CACFD1: variants seen among roughly 807,000 people sequenced by gnomAD.
CACFD1 encodes the protein calcium channel flower domain containing 1, also known as calcium channel flower homolog.
In CACFD1, 26 loss-of-function variants were observed where a neutral mutation model predicts 21.3. The ratio of observed to expected loss-of-function variants is 1.22; its 90% CI spans 0.89 to 1.69. The LOEUF (loss-of-function observed/expected upper bound fraction) is 1.69. Ranked by LOEUF, CACFD1 falls within the 40% of genes most tolerant of loss-of-function variation. The pLI, the probability that CACFD1 is intolerant of heterozygous loss-of-function variation, is 0.00. For missense variants in CACFD1, 265 were observed against 236.2 expected (o/e 1.12, Z -0.80); for synonymous variants, 121 against 106.6 (o/e 1.13, Z -0.83).
chr9:133,465,245 T>A lies in CACFD1; in HGVS notation c.195-77T>A. ...AGGGTGAGGGAGGTGGCATTCCTTA[T>A]GGCACTGGCACTGGGGGCCGCCCTC... On this transcript the variant is annotated intron_variant, in intron 2 of 4. Transcript: ENST00000316948. The surrounding 1 kb of genome is among the most constrained non-coding windows in gnomAD (Gnocchi z 5.0). 1.3e-6 allele frequency: 2 copies of A among 1,541,294 alleles called. No individual in the cohort carries two copies. Among genetic ancestry groups the A allele is most frequent in the Non-Finnish European group, 8.9e-7 (1 of 1,119,790 alleles).
chr9:133,466,857 T>C (rs4962052), intron 3 of CACFD1, among the ~76,000 whole-genome samples: 5,794 of 152,264 alleles, frequency 0.038, 125 homozygotes, highest in Middle Eastern at 0.062. Flanking sequence ...TTTTCGAGTT[T>C]ACTTTTTAAC....
chr9:133,465,004 T>G lies in CACFD1; in HGVS notation c.195-318T>G. On this transcript the variant is annotated intron_variant, in intron 2 of 4. Coordinates refer to ENST00000316948, the MANE Select transcript of CACFD1 (RefSeq NM_017586.5). The surrounding 1 kb of genome is among the most constrained non-coding windows in gnomAD (Gnocchi z 5.0). ...CCGCAGCGTTGTAGCAGTGCCATGA[T>G]GTGGGGTCCCCTTTCCTCCATGTCA... 2 of 289,786 alleles carry G rather than the reference T, an allele frequency of 6.9e-6. No homozygotes were observed. Among genetic ancestry groups the G allele is most frequent in the East Asian group, 8.6e-5 (1 of 11,670 alleles). The allele number at this position is 289,786 out of a possible 1,614,324, so 18.0% of individuals were successfully genotyped here. A position where few individuals can be genotyped will look rare whatever the true frequency, so the allele number is the denominator to read the frequency against.
In CACFD1 at chr9:133,469,049, G is replaced by A; in HGVS notation, c.*396G>A. On this transcript the variant is annotated 3_prime_UTR_variant, in exon 5 of 5. Coordinates refer to ENST00000316948, the MANE Select transcript of CACFD1 (RefSeq NM_017586.5). ...CTGCCACCTGGGCACTGAGCAGAGG[G>A]ACCTCCCCCAGCTCTCTTAGCAGGT... 1 of 258,316 alleles carries A rather than the reference G, an allele frequency of 3.9e-6. No homozygotes were observed. Among genetic ancestry groups the A allele is most frequent in the Non-Finnish European group, 7.4e-6 (1 of 136,016 alleles). The allele number at this position is 258,316 out of a possible 1,614,324, so 16.0% of individuals were successfully genotyped here.
At position 133,468,611 on chromosome 9, in the gene CACFD1, G is replaced by T. The variant is rs781807306; in HGVS notation, c.477G>T (p.Ala159=). 6 of 1,591,980 alleles carry T rather than the reference G, an allele frequency of 3.8e-6. No homozygotes were observed. The highest frequency in any genetic ancestry group is 2.3e-5 in the South Asian group (2 of 87,126). Residue 159 remains alanine (A), a synonymous_variant, in exon 5 of 5, where the codon GCG becomes GCT. Coordinates refer to ENST00000316948, the MANE Select transcript of CACFD1 (RefSeq NM_017586.5). ...GGATCCAGCAGCAGAGGCAGCAGGC[G>T]GATGAGGAGAAGCTCGCGGAGACCC... ...YARIQQQRQQ[A]DEEKLAETLE...
intron 1 of CACFD1, among the ~76,000 whole-genome samples, chr9:133,460,670 G>A (rs1843162183): frequency 6.6e-6 from 1 of 152,248 alleles, no homozygotes; most frequent in South Asian, 2.1e-4. Context: ...TGTTTGTAAG[G>A]GAGGCGGGTG....
At position 133,470,189 on chromosome 9, in the gene CACFD1, C is replaced by CCG. The variant is rs1008115148; in HGVS notation, c.*1536_*1537insCG. 5 of 149,640 alleles carry CCG rather than the reference C, an allele frequency of 3.3e-5. No individual in the cohort carries two copies. Among genetic ancestry groups the CCG allele is most frequent in the African/African-American group, 1.2e-4 (5 of 40,550 alleles). The allele number at this position is 149,640 out of a possible 1,614,324, so 9.3% of individuals were successfully genotyped here. The stretch of plus-strand genomic sequence containing the variant: ...TCAGGCCAGTGCTGGGTTCAAAGGG[C>CCG]TGTGTGTGTGTGTGTGTGTGTGTGT... On this transcript the variant is annotated 3_prime_UTR_variant, in exon 5 of 5. Coordinates refer to ENST00000316948, the MANE Select transcript of CACFD1 (RefSeq NM_017586.5).
In CACFD1 at chr9:133,460,224, G is replaced by A. The variant is rs941203216; in HGVS notation, c.121+37G>A. Reference sequence around the variant, plus strand: ...GTCGGGGAGAGGGGCCGGCCCCGCCGCGCATGCGCTCCTCGCCCTGCCCTG... The same window carrying A: ...GTCGGGGAGAGGGGCCGGCCCCGCCACGCATGCGCTCCTCGCCCTGCCCTG... On this transcript the variant is annotated intron_variant, in intron 1 of 4. Coordinates refer to ENST00000316948, the MANE Select transcript of CACFD1 (RefSeq NM_017586.5). The A allele has an allele frequency of 6.0e-6, 9 of 1,494,714 alleles. No individual in the cohort carries two copies. The East Asian group carries it at 2.2e-4, about 37-fold the overall frequency. 92.6% of individuals were successfully genotyped at this position (1,494,714 alleles called of 1,614,324 possible).
intron 3 of CACFD1, 70 bp from the exon 4 acceptor site, chr9:133,467,851 T>G (rs1554799825): frequency 1.7e-6 from 2 of 1,149,522 alleles, no homozygotes; most frequent in African/African-American, 3.0e-5. Flanking sequence ...CTGGGCCGAG[T>G]CTGGGAAGCG....
Position 133,460,016 on chromosome 9 carries a change from C to G in CACFD1, c.-51C>G, listed in dbSNP as rs782801031. On this transcript the variant is annotated 5_prime_UTR_variant, in exon 1 of 5. Coordinates refer to ENST00000316948, the MANE Select transcript of CACFD1 (RefSeq NM_017586.5). ...GGCAGCGCGCCGGCTCGGACGCGGC[C>G]GGCTACCGAGCCCTTTGTGAGGGCT... is the stretch of plus-strand genomic sequence containing the variant. The G allele has an allele frequency of 1.4e-6, 2 of 1,480,166 alleles. No homozygotes were observed. Among genetic ancestry groups the G allele is most frequent in the South Asian group, 1.3e-5 (1 of 77,812 alleles). 91.7% of individuals were successfully genotyped at this position (1,480,166 alleles called of 1,614,324 possible).
At chr9:133,461,997 G>C (rs985296410) in intron 1 of CACFD1, 2 of 985,294 alleles carry the variant, frequency 2.0e-6, no homozygotes, top group African/African-American at 3.5e-5. Flanking sequence ...GGAGGGGACA[G>C]GATTGCATGG....
At position 133,470,598 on chromosome 9, in the gene CACFD1, C is replaced by G. The variant is rs1446355550; in HGVS notation, c.*1945C>G. On this transcript the variant is annotated 3_prime_UTR_variant, in exon 5 of 5. Coordinates refer to ENST00000316948, the MANE Select transcript of CACFD1 (RefSeq NM_017586.5). ...GTCCTGGGGTCCCTGACCCTGTCGC[C>G]CAGGGGGCGTGCTGTCCAGCAGGGG... 1.3e-5 allele frequency: 2 copies of G among 152,362 alleles called. No homozygotes were observed. Among genetic ancestry groups the G allele is most frequent in the Non-Finnish European group, 2.9e-5 (2 of 68,122 alleles). The allele number at this position is 152,362 out of a possible 1,614,324, so 9.4% of individuals were successfully genotyped here.
intron 1 of CACFD1, among the ~76,000 whole-genome samples, chr9:133,460,486 T>TGGGGCACCGGCGGCGGGGGG (rs1564453305): frequency 2.5e-5 from 1 of 40,070 alleles, no homozygotes; most frequent in Non-Finnish European, 5.9e-5. Context: ...GGGGCGGGGG[T>TGGGGCACCGGCGGCGGGGGG]GGGGCACCGG....
At chr9:133,460,382 G>C (rs1358116148) in intron 1 of CACFD1, among the ~76,000 whole-genome samples, 195 bp downstream of exon 1, 1 of 138,632 alleles carries the variant, frequency 7.2e-6, no homozygotes, top group Non-Finnish European at 1.7e-5. Context: ...TTACCCGCTC[G>C]GGCCTGGGCG....
At chr9:133,463,659 C>T in intron 2 of CACFD1, 104 bp downstream of exon 2, 4 of 1,206,786 alleles carry the variant, frequency 3.3e-6, no homozygotes, top group Non-Finnish European at 4.8e-6. Context: ...AGTGGGCATC[C>T]TTGTGGTTGC....
Position 133,468,366 on chromosome 9 carries a change from C to A in CACFD1, c.429-197C>A, listed in dbSNP as rs984501601. The stretch of plus-strand genomic sequence containing the variant: ...GCCCAGACTGAGGCTGGTTCCTTCG[C>A]AGCCCAGCATCCCAGGGAGCCTGGG... On this transcript the variant is annotated intron_variant, in intron 4 of 4. Transcript: ENST00000316948. 6.3e-5 allele frequency: 96 copies of A among 1,535,730 alleles called. No homozygotes were observed. Among genetic ancestry groups the A allele is most frequent in the Non-Finnish European group, 7.3e-5 (84 of 1,146,840 alleles).
chr9:133,462,244 C>A (rs1554798703), intron 1 of CACFD1: 1 of 1,304,216 alleles, frequency 7.7e-7, no homozygotes, highest in Non-Finnish European at 1.0e-6. Flanking sequence ...AGCAGAGAGG[C>A]AGGGAGCCGT....
chr9:133,460,072 C>A lies in CACFD1; in HGVS notation c.6C>A (p.Ser2Arg). Reference sequence around the variant, plus strand: ...CTGCGCCTGACGGTGGCACCATGAGCAGCTCAGGTGGGGCGCCCGGGGCGT... The same window carrying A: ...CTGCGCCTGACGGTGGCACCATGAGAAGCTCAGGTGGGGCGCCCGGGGCGT... MSSSGGAPGASA... is the reference protein window; with the variant it reads MRSSGGAPGASA... Residue 2 changes from serine (S) to arginine (R), a missense_variant, in exon 1 of 5, where the codon AGC (serine) becomes AGA (arginine). Transcript: ENST00000316948. 6.4e-7 allele frequency: 1 copy of A among 1,562,094 alleles called. No individual in the cohort carries two copies. The highest frequency in any genetic ancestry group is 1.2e-5 in the South Asian group (1 of 85,796).
intron 1 of CACFD1, among the ~76,000 whole-genome samples, chr9:133,462,430 G>A (rs1843260570): frequency 6.6e-6 from 1 of 152,216 alleles, no homozygotes; most frequent in African/African-American, 2.4e-5. Flanking sequence ...TTGCAGTTCG[G>A]CTCACTTTAT....
At position 133,470,589 on chromosome 9, in the gene CACFD1, C is replaced by G. The variant is rs1258158759; in HGVS notation, c.*1936C>G. The G allele has an allele frequency of 2.0e-5, 3 of 152,348 alleles. No individual in the cohort carries two copies. Among genetic ancestry groups the G allele is most frequent in the African/African-American group, 7.2e-5 (3 of 41,458 alleles). 9.4% of individuals were successfully genotyped at this position (152,348 alleles called of 1,614,324 possible). On this transcript the variant is annotated 3_prime_UTR_variant, in exon 5 of 5. Coordinates refer to ENST00000316948, the MANE Select transcript of CACFD1 (RefSeq NM_017586.5). ...AGCTGTGCAGTCCTGGGGTCCCTGA[C>G]CCTGTCGCCCAGGGGGCGTGCTGTC... is the stretch of plus-strand genomic sequence containing the variant.
Sources: gnomAD v4.1 joint callset for allele counts (sites outside exome capture counted in the v4.1 genomes callset) on GRCh38, gnomAD v4.1.1 for gene constraint, Gnocchi (gnomAD v3.1) non-coding constraint, MANE v1.5 for transcripts, NCBI Gene and HGNC (gene_info 2026-07-23, HGNC 2026-07-21) for gene names.